MIB1: variants seen among roughly 807,000 people sequenced by gnomAD.
The protein encoded by MIB1 is MIB E3 ubiquitin protein ligase 1.
Under a neutral mutation model 124.5 loss-of-function variants are expected in MIB1, and 278 were observed. The ratio of observed to expected loss-of-function variants is 2.23; its 90% CI spans 2.02 to 2.47. The LOEUF (loss-of-function observed/expected upper bound fraction) is 2.47. MIB1 is among the 30% of genes most tolerant of loss of function. MIB1 has a pLI of 0.00. For missense variants in MIB1, 957 were observed against 1,254.4 expected, an observed-to-expected ratio of 0.76 and a Z score of 3.58; for synonymous variants, 446 against 429.4, an observed-to-expected ratio of 1.04 and a Z score of -0.48.
intron 1 of MIB1, among the ~76,000 whole-genome samples, chr18:21,705,445 C>T (rs2040615738): frequency 6.6e-6 from 1 of 152,206 alleles, no homozygotes; most frequent in Non-Finnish European, 1.5e-5. Context: ...TGGAAATTCA[C>T]ACCGATTACC....
In MIB1 at chr18:21,834,635, G is replaced by A. The variant is rs148562970; in HGVS notation, c.1830-3730G>A. Among the ~76,000 whole-genome samples, 278 of 152,226 alleles carry A rather than the reference G, an allele frequency of 1.8e-3. 3 individuals are homozygous for A. The highest frequency in any genetic ancestry group is 6.8e-3 in the Middle Eastern group (2 of 294). ...TCTTACTAAGAACCAATAGCACAGC[G>A]TAATCATGAGAAAAGCATCAGACAA... On this transcript the variant is annotated intron_variant, in intron 12 of 20. Coordinates refer to ENST00000261537, the MANE Select transcript of MIB1 (RefSeq NM_020774.4).
At chr18:21,743,611 C>T (rs1483436137) in intron 1 of MIB1, among the ~76,000 whole-genome samples, 1 of 151,846 alleles carries the variant, frequency 6.6e-6, no homozygotes, top group Non-Finnish European at 1.5e-5. Context: ...TGTTTGAGGC[C>T]TATGCCTAAT....
intron 9 of MIB1, among the ~76,000 whole-genome samples, chr18:21,800,882 T>TG (rs1360704756): frequency 6.6e-6 from 1 of 152,138 alleles, no homozygotes; most frequent in African/African-American, 2.4e-5. Flanking sequence ...CTTCAAATGT[T>TG]GAAGTACCAA....
At chr18:21,718,319 A>T (rs892717733) in intron 1 of MIB1, among the ~76,000 whole-genome samples, 1 of 152,156 alleles carries the variant, frequency 6.6e-6, no homozygotes, top group African/African-American at 2.4e-5. Flanking sequence ...GTGCACCAAA[A>T]ATTTCACAAA....
intron 4 of MIB1, among the ~76,000 whole-genome samples, chr18:21,774,100 G>T (rs2146418272): frequency 6.6e-6 from 1 of 152,266 alleles, no homozygotes; most frequent in South Asian, 2.1e-4. Context: ...TTATATAAAA[G>T]TATAAATTAC....
chr18:21,821,585 G>GT (rs769381543), intron 12 of MIB1, among the ~76,000 whole-genome samples: 77 of 144,254 alleles, frequency 5.3e-4, no homozygotes, highest in African/African-American at 8.9e-4. Context: ...TTCTGTGTGT[G>GT]TTTTTTTTGT....
intron 9 of MIB1, among the ~76,000 whole-genome samples, chr18:21,803,159 C>T (rs1598618730): frequency 6.6e-6 from 1 of 152,126 alleles, no homozygotes; most frequent in African/African-American, 2.4e-5. Flanking sequence ...AATGTTCTCC[C>T]TTTATCTTTA....
At chr18:21,725,007 A>G (rs910245628) in intron 1 of MIB1, among the ~76,000 whole-genome samples, 3 of 145,260 alleles carry the variant, frequency 2.1e-5, no homozygotes, top group African/African-American at 7.6e-5. Flanking sequence ...AGGCAGGAGA[A>G]TGGCGTGAAC....
At chr18:21,710,077 G>T (rs1023778282) in intron 1 of MIB1, among the ~76,000 whole-genome samples, 2 of 151,930 alleles carry the variant, frequency 1.3e-5, no homozygotes, top group Non-Finnish European at 2.9e-5. Context: ...TAAGACACTT[G>T]CTTAGAATAT....
chr18:21,739,369 C>T (rs2146369672), upstream of MIB1, among the ~76,000 whole-genome samples: 1 of 152,240 alleles, frequency 6.6e-6, no homozygotes, highest in African/African-American at 2.4e-5. Flanking sequence ...CAAAGAGGAG[C>T]TGTTACTGTA....
upstream of MIB1, among the ~76,000 whole-genome samples, chr18:21,736,201 T>C (rs2040796288): frequency 6.6e-6 from 1 of 152,200 alleles, no homozygotes; most frequent in Non-Finnish European, 1.5e-5. Context: ...ATCTTTGCTG[T>C]TCTGCAGCCT....
At chr18:21,798,307 A>G in intron 8 of MIB1, 79 bp downstream of exon 8, 1 of 1,390,094 alleles carries the variant, frequency 7.2e-7, no homozygotes, top group Non-Finnish European at 1.0e-6. Flanking sequence ...TCTCATATAC[A>G]GATAATGTTG....
chr18:21,771,036 A>AT (rs2041218918), intron 3 of MIB1, among the ~76,000 whole-genome samples: 1 of 152,180 alleles, frequency 6.6e-6, no homozygotes, highest in Admixed American at 6.5e-5. Flanking sequence ...CTATTGTATC[A>AT]TATAAAGGGG....
At chr18:21,819,783 GCC>G (rs1181614602) in intron 12 of MIB1, 137 bp downstream of exon 12, 11 of 464,848 alleles carry the variant, frequency 2.4e-5, no homozygotes, top group Non-Finnish European at 1.1e-5. Flanking sequence ...TGAATATTAT[GCC>G]TTTAGTTTTA....
Position 21,815,692 on chromosome 18 carries a change from G to A in MIB1, c.1556G>A (p.Gly519Asp). 6.2e-7 allele frequency: 1 copy of A among 1,614,136 alleles called. No individual in the cohort carries two copies. The highest frequency in any genetic ancestry group is 8.5e-7 in the Non-Finnish European group (1 of 1,180,008). The change falls in exon 11 of 21, where the codon GGT (glycine) becomes GAT (aspartate). Residue 519 changes from glycine (G) to aspartate (D), a missense_variant. Transcript: ENST00000261537. ...EGAVIEVLHR[G>D]SADLNARNKR... ...GCTGTTATAGAAGTACTACATCGAG[G>A]TAGTGCTGATTTGAATGCTCGAAAC... is the stretch of plus-strand genomic sequence containing the variant.
intron 12 of MIB1, among the ~76,000 whole-genome samples, chr18:21,823,513 A>G (rs2041898061): frequency 6.6e-6 from 1 of 152,192 alleles, no homozygotes; most frequent in South Asian, 2.1e-4. Flanking sequence ...TGTCCTTTGA[A>G]GTCTCTATTT....
At chr18:21,853,535 G>A (rs1211724701) in intron 18 of MIB1, among the ~76,000 whole-genome samples, 2 of 151,892 alleles carry the variant, frequency 1.3e-5, no homozygotes, top group African/African-American at 4.8e-5. Flanking sequence ...ATTTAGTCTC[G>A]CCTTTGTTCA....
At chr18:21,739,109 C>G (rs898499495), upstream of MIB1, among the ~76,000 whole-genome samples, 1 of 151,814 alleles carries the variant, frequency 6.6e-6, no homozygotes, top group South Asian at 2.1e-4. Flanking sequence ...GGGGATATCA[C>G]CAACAATCCC....
At position 21,849,262 on chromosome 18, in the gene MIB1, GGT is replaced by G; in HGVS notation, c.2464_2465del (p.Cys822LeufsTer32). On this transcript the variant is annotated frameshift_variant, in exon 17 of 21. Coordinates refer to ENST00000261537, the MANE Select transcript of MIB1 (RefSeq NM_020774.4). LOFTEE classifies it high-confidence loss of function. Reference sequence around the variant, plus strand: ...ATTCTGAAACCTTAGAAGAGTGTATGGTGTGCTCAGATATGAAGAGAGATACT... The same window carrying G: ...ATTCTGAAACCTTAGAAGAGTGTATGGTGCTCAGATATGAAGAGAGATACT... ...NDSETLEECMVCSDMKRDTLF... is the reference protein window; with the variant it reads ...NDSETLEECMXCSDMKRDTLF... 6.2e-7 allele frequency: 1 copy of G among 1,612,392 alleles called. No individual in the cohort carries two copies. Among genetic ancestry groups the G allele is most frequent in the Non-Finnish European group, 8.5e-7 (1 of 1,179,028 alleles).
Sources: allele counts gnomAD v4.1 joint callset (sites outside exome capture counted in the v4.1 genomes callset), GRCh38; gene constraint gnomAD v4.1.1; transcripts MANE v1.5; gene names NCBI Gene and HGNC (gene_info 2026-07-23, HGNC 2026-07-21).